The following FNDC3A variants were observed in gnomAD, a reference collection of about 807,000 sequenced individuals.
FNDC3A encodes the protein fibronectin type III domain containing 3A.
Under a neutral mutation model 148.9 loss-of-function variants are expected in FNDC3A, and 32 were observed. The observed-to-expected ratio is 0.21, with a 90% CI of 0.16 to 0.29. FNDC3A has a LOEUF of 0.29. Among genes scored for constraint, FNDC3A ranks in the 10% least tolerant of loss-of-function variants. FNDC3A has a pLI of 1.00. For missense variants in FNDC3A, 1,191 were observed against 1,452.8 expected, an observed-to-expected ratio of 0.82 and a Z score of 2.93; for synonymous variants, 472 against 473.6, an observed-to-expected ratio of 1.00 and a Z score of 0.04.
intron 2 of FNDC3A, among the ~76,000 whole-genome samples, chr13:49,030,740 TAAG>T (rs1308568435): frequency 2.6e-5 from 4 of 152,050 alleles, no homozygotes; most frequent in Non-Finnish European, 2.9e-5. Context: ...AAAATGAAAT[TAAG>T]AAAACTTTTT....
At chr13:49,118,106 TA>T (rs1462086484) in intron 4 of FNDC3A, among the ~76,000 whole-genome samples, 1 of 152,208 alleles carries the variant, frequency 6.6e-6, no homozygotes, top group African/African-American at 2.4e-5. Context: ...TTACACAGGG[TA>T]ATCCAAAGAC....
intron 8 of FNDC3A, among the ~76,000 whole-genome samples, chr13:49,160,889 T>C (rs1464978475): frequency 2.0e-5 from 3 of 152,164 alleles, no homozygotes; most frequent in Non-Finnish European, 4.4e-5. Flanking sequence ...CCAGTAGTCA[T>C]TCAGGAGGAG....
chr13:48,988,723 T>C (rs1258926183), intron 1 of FNDC3A, among the ~76,000 whole-genome samples: 2 of 151,474 alleles, frequency 1.3e-5, no homozygotes, highest in African/African-American at 4.9e-5. Flanking sequence ...TGGTGGCACA[T>C]GCCTGTAGTT....
In FNDC3A at chr13:49,114,724, C is replaced by T. The variant is rs1262533728; in HGVS notation, c.245C>T (p.Ala82Val). Residue 82 changes from alanine to valine, a missense_variant, in exon 4 of 26, where the codon GCC (alanine) becomes GTC (valine). Around this residue, in one of 3 missense-constraint regions of FNDC3A, gnomAD observed 426 missense variants for 473.2 expected, o/e 0.90. Transcript: ENST00000492622. Reference protein sequence around the residue: ...VPPIYVPPGYAPQVIEDNGVR... With the variant: ...VPPIYVPPGYVPQVIEDNGVR... ...CCTATCTATGTGCCTCCTGGATATG[C>T]CCCACAGGTATGTTTTTATGCTATT... The T allele has an allele frequency of 1.2e-6, 2 of 1,601,370 alleles. No individual in the cohort carries two copies.
intron 7 of FNDC3A, among the ~76,000 whole-genome samples, chr13:49,140,075 A>G (rs994683693): frequency 2.0e-5 from 3 of 152,322 alleles, no homozygotes; most frequent in Admixed American, 6.5e-5. Flanking sequence ...AGTGGCTCAC[A>G]CTTTCCCAGT....
rs765165622 is a variant in FNDC3A, at chr13:49,178,593, A to T, written c.1556A>T (p.Asp519Val). The change falls in exon 14 of 26, where the codon GAT (aspartate) becomes GTT (valine). Residue 519 changes from aspartate to valine, a missense_variant. Coordinates refer to ENST00000492622, the MANE Select transcript of FNDC3A (RefSeq NM_001079673.2). ...GGATATGGTTTTAAGCCTAAATATG[A>T]TGGAGAAGATCTTGCTTACACAGTG... ...TSGYGFKPKY[D>V]GEDLAYTVKN... 1.5e-5 allele frequency: 24 copies of T among 1,593,940 alleles called. No homozygotes were observed. The highest frequency in any genetic ancestry group is 2.1e-5 in the Non-Finnish European group (24 of 1,170,606).
chr13:49,174,845 C>T (rs1388844923), intron 12 of FNDC3A, among the ~76,000 whole-genome samples: 3 of 152,070 alleles, frequency 2.0e-5, no homozygotes, highest in South Asian at 4.1e-4. Context: ...TATGTGATGA[C>T]AGTATTTTGT....
chr13:48,997,246 A>G (rs1952040558), intron 1 of FNDC3A, among the ~76,000 whole-genome samples: 1 of 152,204 alleles, frequency 6.6e-6, no homozygotes, highest in African/African-American at 2.4e-5. Flanking sequence ...CTCATGAGCT[A>G]TCTACCTTAG....
At chr13:49,158,851 T>C (rs564634298) in intron 8 of FNDC3A, among the ~76,000 whole-genome samples, 1 of 152,334 alleles carries the variant, frequency 6.6e-6, no homozygotes, top group African/African-American at 2.4e-5. Context: ...TAGCCAGTTT[T>C]CCCAGCACCA....
At chr13:49,077,094 A>G (rs1406119143) in intron 3 of FNDC3A, among the ~76,000 whole-genome samples, 1 of 152,214 alleles carries the variant, frequency 6.6e-6, no homozygotes, top group South Asian at 2.1e-4. Context: ...CCTGGGCAGC[A>G]TAACAAGACC....
chr13:48,996,123 C>T (rs1364249254), intron 1 of FNDC3A, among the ~76,000 whole-genome samples: 1 of 152,106 alleles, frequency 6.6e-6, no homozygotes, highest in Non-Finnish European at 1.5e-5. Flanking sequence ...TTGCCTATGG[C>T]TCTTCAAGAC....
chr13:49,144,903 GA>G (rs891073666), intron 7 of FNDC3A, among the ~76,000 whole-genome samples: 1 of 152,062 alleles, frequency 6.6e-6, no homozygotes, highest in Non-Finnish European at 1.5e-5. Context: ...GTATATTGAG[GA>G]AATCTTCAGA....
chr13:49,124,381 A>G (rs1483800330), intron 4 of FNDC3A, among the ~76,000 whole-genome samples: 2 of 151,938 alleles, frequency 1.3e-5, no homozygotes, highest in Non-Finnish European at 2.9e-5. Flanking sequence ...TAGGAGAAAT[A>G]CCTAATATAG....
chr13:49,009,596 A>G (rs1593464527), intron 2 of FNDC3A, among the ~76,000 whole-genome samples: 2 of 152,188 alleles, frequency 1.3e-5, no homozygotes, highest in Admixed American at 1.3e-4. Flanking sequence ...TTGACTTGAG[A>G]TATCTTTTCC....
intron 2 of FNDC3A, among the ~76,000 whole-genome samples, chr13:49,008,279 GACTATAT>G (rs1566186900): frequency 2.0e-5 from 3 of 152,098 alleles, no homozygotes; most frequent in Non-Finnish European, 2.9e-5. Flanking sequence ...GAATGTAAGG[GACTATAT>G]ACAAAGCAGA....
At chr13:49,151,732 C>A (rs1883308949) in intron 8 of FNDC3A, among the ~76,000 whole-genome samples, 1 of 152,136 alleles carries the variant, frequency 6.6e-6, no homozygotes, top group South Asian at 2.1e-4. Context: ...CCCATCCCCC[C>A]AACCTGCCAT....
At chr13:49,121,563 GT>G (rs931236131) in intron 4 of FNDC3A, among the ~76,000 whole-genome samples, 14 of 152,094 alleles carry the variant, frequency 9.2e-5, no homozygotes, top group African/African-American at 2.7e-4. Context: ...TCAGGAGCTG[GT>G]TTTTTGAAAA....
At chr13:48,989,750 A>G (rs1015237779) in intron 1 of FNDC3A, among the ~76,000 whole-genome samples, 1 of 149,912 alleles carries the variant, frequency 6.7e-6, no homozygotes, top group African/African-American at 2.5e-5. Context: ...TCACTTAAAG[A>G]TAACTTTTTT....
intron 1 of FNDC3A, among the ~76,000 whole-genome samples, chr13:48,989,860 T>A (rs1798856298): frequency 2.0e-5 from 3 of 152,212 alleles, no homozygotes; most frequent in African/African-American, 7.2e-5. Context: ...CAAGCGATTC[T>A]CCTGCTTCAG....
Sources: gnomAD v4.1 joint callset for allele counts (sites outside exome capture counted in the v4.1 genomes callset) on GRCh38, gnomAD v4.1.1 for gene constraint, gnomAD v4.1.1 regional missense constraint, MANE v1.5 for transcripts, NCBI Gene and HGNC (gene_info 2026-07-23, HGNC 2026-07-21) for gene names.